The following XRN2 variants were observed in gnomAD, a reference collection of about 807,000 sequenced individuals.
The protein encoded by XRN2 is 5'-3' exoribonuclease 2.
A neutral mutation model predicts 138.5 loss-of-function variants in XRN2; 44 were observed. The ratio of observed to expected loss-of-function variants is 0.32; its 90% CI spans 0.25 to 0.41. The LOEUF is 0.41. Among genes scored for constraint, XRN2 ranks in the 10% least tolerant of loss-of-function variants. The pLI is 1.00. For synonymous variants in XRN2, 354 were observed against 369.4 expected (o/e 0.96, Z 0.48); for missense variants, 937 against 1,169.3 (o/e 0.80, Z 2.90).
At chr20:21,343,759 C>A (rs2038401429) in intron 15 of XRN2, among the ~76,000 whole-genome samples, 2 of 151,626 alleles carry the variant, frequency 1.3e-5, no homozygotes, top group South Asian at 4.2e-4. Context: ...TGATTGTGAA[C>A]CACCAAAGGA....
chr20:21,376,978 A>G (rs773854438), intron 27 of XRN2, among the ~76,000 whole-genome samples: 7 of 152,192 alleles, frequency 4.6e-5, no homozygotes, highest in Non-Finnish European at 1.0e-4. Context: ...TAAAAGCTCA[A>G]AAAAGAGTTG....
chr20:21,359,834 A>C (rs116917677), intron 24 of XRN2, among the ~76,000 whole-genome samples: 2,018 of 152,112 alleles, frequency 0.013, 21 homozygotes, highest in South Asian at 0.034. Flanking sequence ...AAATCTCAGA[A>C]TATACTCACC....
rs1600713464 is a variant in XRN2, at chr20:21,369,054, A to G, written c.2584+464A>G. On this transcript the variant is annotated intron_variant, in intron 27 of 29. Transcript: ENST00000377191. ...GCCATTAACCATCCTCCCCTCCCCA[A>G]CCCTTCCCCTACTACCCTTCCCAGC... Among the ~76,000 whole-genome samples the G allele has an allele frequency of 4.0e-5, 6 of 151,654 alleles. No homozygotes were observed. The South Asian group carries it at 8.3e-4, about 21-fold the overall frequency.
chr20:21,359,656 C>A (rs969689070), intron 24 of XRN2, among the ~76,000 whole-genome samples: 2 of 152,140 alleles, frequency 1.3e-5, no homozygotes, highest in African/African-American at 4.8e-5. Flanking sequence ...CCAAAGTTAA[C>A]TTTTCCCTTA....
At chr20:21,303,995 C>A in intron 1 of XRN2, 1 of 411,194 alleles carries the variant, frequency 2.4e-6, no homozygotes, top group Non-Finnish European at 3.3e-6. Context: ...ATTTGTTGTT[C>A]TGGTTAGATT....
At chr20:21,375,270 A>AT (rs1432728325) in intron 27 of XRN2, among the ~76,000 whole-genome samples, 1 of 147,016 alleles carries the variant, frequency 6.8e-6, no homozygotes, top group Non-Finnish European at 1.5e-5. Context: ...TGATATATAG[A>AT]TATTTGTTCT....
chr20:21,353,262 ATATC>A (rs1187162597), intron 20 of XRN2, among the ~76,000 whole-genome samples: 15 of 12,746 alleles, frequency 1.2e-3, no homozygotes, highest in Admixed American at 2.8e-3. Flanking sequence ...ATATATATAT[ATATC>A]TCTTAAATGT....
chr20:21,311,441 C>T (rs1352113974), intron 1 of XRN2, among the ~76,000 whole-genome samples: 1 of 152,090 alleles, frequency 6.6e-6, no homozygotes, highest in African/African-American at 2.4e-5. Context: ...AATGATACTC[C>T]CATTGTATAT....
In XRN2 at chr20:21,340,637, T is replaced by C. The variant is rs556326229; in HGVS notation, c.1279-84T>C. The C allele has an allele frequency of 3.6e-5, 54 of 1,497,944 alleles. No individual in the cohort carries two copies. The Middle Eastern group carries it at 1.2e-3, about 33-fold the overall frequency. 92.8% of individuals were successfully genotyped at this position (1,497,944 alleles called of 1,614,324 possible). ...TGTAAAGTGCTTACAGTTTGGACTT[T>C]ATTCCATTGCCCTTCTTTCCTTTCT... On this transcript the variant is annotated intron_variant, in intron 14 of 29. Coordinates refer to ENST00000377191, the MANE Select transcript of XRN2 (RefSeq NM_012255.5).
intron 1 of XRN2, among the ~76,000 whole-genome samples, chr20:21,323,056 C>T (rs1463634398): frequency 1.3e-5 from 2 of 152,208 alleles, no homozygotes; most frequent in Non-Finnish European, 1.5e-5. Flanking sequence ...AGGAGTTGAC[C>T]CATCTGGCTG....
chr20:21,371,459 C>G (rs1220929269), intron 27 of XRN2, among the ~76,000 whole-genome samples: 1 of 152,174 alleles, frequency 6.6e-6, no homozygotes, highest in Non-Finnish European at 1.5e-5. Context: ...AGTCAGTGGT[C>G]CTGTGGGAAT....
chr20:21,334,946 C>A (rs989355827), intron 13 of XRN2, among the ~76,000 whole-genome samples: 10 of 152,100 alleles, frequency 6.6e-5, no homozygotes, highest in Non-Finnish European at 1.5e-4. Flanking sequence ...GATTTGAGAA[C>A]CATTAACTAA....
At chr20:21,354,071 T>C (rs1468356845) in intron 20 of XRN2, among the ~76,000 whole-genome samples, 1 of 152,186 alleles carries the variant, frequency 6.6e-6, no homozygotes, top group African/African-American at 2.4e-5. Flanking sequence ...TCAATAACTT[T>C]GTATATTTTT....
intron 19 of XRN2, 128 bp downstream of exon 19, chr20:21,348,558 A>G: frequency 3.7e-6 from 3 of 800,468 alleles, no homozygotes; most frequent in Non-Finnish European, 6.0e-6. Flanking sequence ...TTTTTACTCC[A>G]AACACACATA....
chr20:21,332,821 A>G (rs1220951559), intron 9 of XRN2, among the ~76,000 whole-genome samples: 1 of 152,240 alleles, frequency 6.6e-6, no homozygotes, highest in Admixed American at 6.5e-5. Flanking sequence ...TCCCATAGAT[A>G]ATAATGCCCA....
intron 1 of XRN2, among the ~76,000 whole-genome samples, chr20:21,317,261 C>A (rs542218923): frequency 1.3e-4 from 19 of 151,330 alleles, no homozygotes; most frequent in African/African-American, 4.1e-4. Flanking sequence ...TTTGCAGATG[C>A]CCTTTATGTT....
intron 4 of XRN2, among the ~76,000 whole-genome samples, chr20:21,329,138 G>A (rs1242093134): frequency 6.6e-6 from 1 of 152,164 alleles, no homozygotes; most frequent in Admixed American, 6.5e-5. Context: ...TTTACAGGCT[G>A]TTGCCAAGTC....
chr20:21,368,345 C>A, intron 26 of XRN2, 118 bp from the exon 27 acceptor site: 2 of 1,276,618 alleles, frequency 1.6e-6, no homozygotes, highest in South Asian at 1.6e-5. Context: ...TTTGTATTAT[C>A]TTAATCAGAT....
chr20:21,360,302 T>G (rs1303800153), intron 24 of XRN2, among the ~76,000 whole-genome samples: 1 of 152,176 alleles, frequency 6.6e-6, no homozygotes, highest in Non-Finnish European at 1.5e-5. Context: ...TTCAATACCC[T>G]TTGACCTCCG....
Sources: allele counts gnomAD v4.1 joint callset (sites outside exome capture counted in the v4.1 genomes callset), GRCh38; gene constraint gnomAD v4.1.1; transcripts MANE v1.5; gene names NCBI Gene and HGNC (gene_info 2026-07-23, HGNC 2026-07-21).